Variants in RABL3 observed in about 807,000 individuals in gnomAD.
RABL3 encodes RAB, member of RAS oncogene family like 3.
RABL3 carries 31 observed loss-of-function variants against 31.8 expected under a neutral mutation model. The observed-to-expected ratio is 0.97, with a 90% confidence interval of 0.73 to 1.31. The LOEUF is 1.31. RABL3 is among the 40% of genes most tolerant of loss of function. RABL3 has a pLI of 0.00. For missense variants in RABL3, 263 were observed against 279.6 expected, an observed-to-expected ratio of 0.94 and a Z score of 0.42; for synonymous variants, 97 against 99.9, an observed-to-expected ratio of 0.97 and a Z score of 0.18.
At chr3:120,696,356 T>C (rs961363779) in intron 5 of RABL3, among the ~76,000 whole-genome samples, 1 of 152,198 alleles carries the variant, frequency 6.6e-6, no homozygotes, top group Non-Finnish European at 1.5e-5. Context: ...TGATTGCTAT[T>C]TCTTTTTGAA....
At chr3:120,690,527 C>G in intron 6 of RABL3, 40 bp from the exon 7 acceptor site, 2 of 1,522,500 alleles carry the variant, frequency 1.3e-6, no homozygotes. Flanking sequence ...GCACACATAC[C>G]TGCAAAAAGT....
At chr3:120,698,804 GT>G (rs1708465953) in intron 4 of RABL3, among the ~76,000 whole-genome samples, 1 of 152,158 alleles carries the variant, frequency 6.6e-6, no homozygotes, top group African/African-American at 2.4e-5. Flanking sequence ...TTGGTCCCAT[GT>G]TTTTATTGAA....
intron 7 of RABL3, 113 bp from the exon 8 acceptor site, chr3:120,690,001 A>C (rs1327547828): frequency 3.7e-6 from 3 of 802,458 alleles, no homozygotes; most frequent in Admixed American, 4.6e-5. Context: ...TTTCTTAAAA[A>C]AACAACTTTC....
intron 4 of RABL3, among the ~76,000 whole-genome samples, chr3:120,704,984 C>G (rs1288180848): frequency 6.6e-6 from 1 of 152,172 alleles, no homozygotes; most frequent in Non-Finnish European, 1.5e-5. Context: ...TGAGATCGTG[C>G]TACTGCACTC....
chr3:120,742,534 G>A (rs369854386), upstream of RABL3: 1 of 1,612,998 alleles, frequency 6.2e-7, no homozygotes, highest in Admixed American at 1.7e-5. Flanking sequence ...CTGGGTTAAC[G>A]CCTGTTCCTG....
At chr3:120,715,141 C>T (rs1204293247) in intron 2 of RABL3, among the ~76,000 whole-genome samples, 1 of 152,182 alleles carries the variant, frequency 6.6e-6, no homozygotes, top group Non-Finnish European at 1.5e-5. Context: ...GCCACCCATT[C>T]AATCATTAGT....
intron 4 of RABL3, among the ~76,000 whole-genome samples, chr3:120,699,013 C>T (rs1260718079): frequency 6.6e-6 from 1 of 152,114 alleles, no homozygotes; most frequent in Non-Finnish European, 1.5e-5. Flanking sequence ...AAGCCTTGTG[C>T]TAGAAGAGAA....
intron 2 of RABL3, among the ~76,000 whole-genome samples, chr3:120,714,310 A>C (rs1404485728): frequency 6.6e-6 from 1 of 152,206 alleles, no homozygotes; most frequent in Non-Finnish European, 1.5e-5. Flanking sequence ...AAGAGATACT[A>C]GGAGAATATA....
intron 1 of RABL3, among the ~76,000 whole-genome samples, chr3:120,738,207 G>A (rs1330396304): frequency 6.6e-6 from 1 of 152,192 alleles, no homozygotes; most frequent in African/African-American, 2.4e-5. Context: ...CATCAATGGC[G>A]GGCGCCCCTC....
At chr3:120,732,980 G>A (rs1708905751) in intron 1 of RABL3, among the ~76,000 whole-genome samples, 1 of 152,096 alleles carries the variant, frequency 6.6e-6, no homozygotes, top group African/African-American at 2.4e-5. Flanking sequence ...CATTTGGGTT[G>A]GTTCCAAGTC....
intron 1 of RABL3, among the ~76,000 whole-genome samples, chr3:120,734,968 G>T (rs982494929): frequency 5.3e-5 from 8 of 152,158 alleles, no homozygotes; most frequent in African/African-American, 1.7e-4. Context: ...GAGGATTTTT[G>T]CATTGATGTT....
At chr3:120,726,720 A>G (rs1708825795) in intron 2 of RABL3, among the ~76,000 whole-genome samples, 1 of 152,022 alleles carries the variant, frequency 6.6e-6, no homozygotes, top group Non-Finnish European at 1.5e-5. Context: ...CTCCAGCCGG[A>G]GCAACAGAGT....
upstream of RABL3, chr3:120,742,629 G>T: frequency 3.1e-6 from 3 of 977,450 alleles, no homozygotes; most frequent in South Asian, 4.1e-5. Flanking sequence ...TTGATCGAAG[G>T]TTTCACTGAA....
intron 2 of RABL3, among the ~76,000 whole-genome samples, chr3:120,721,209 C>T (rs1159183455): frequency 3.9e-5 from 6 of 152,246 alleles, no homozygotes; most frequent in South Asian, 2.1e-4. Context: ...AAGGAACAAC[C>T]GGTACCAGCC....
chr3:120,717,287 A>G (rs1287067564), intron 2 of RABL3, among the ~76,000 whole-genome samples: 1 of 151,958 alleles, frequency 6.6e-6, no homozygotes, highest in African/African-American at 2.4e-5. Context: ...AAACAACAAA[A>G]AAAAAAACAA....
intron 2 of RABL3, among the ~76,000 whole-genome samples, chr3:120,724,640 A>T (rs936222304): frequency 1.2e-4 from 18 of 152,234 alleles, no homozygotes; most frequent in Admixed American, 2.6e-4. Context: ...CCTCAGAAAT[A>T]ATGCCACATA....
Position 120,687,861 on chromosome 3 carries a change from A to G in RABL3, c.*1962T>C, listed in dbSNP as rs2107571471. On this transcript the variant is annotated 3_prime_UTR_variant, in exon 8 of 8. Transcript: ENST00000273375. ...ACCTAGGCTGGAGTGCAGTGACACG[A>G]TCTTGACTCACTGCAACCTCCACCT... 1 of 151,910 alleles carries G rather than the reference A, an allele frequency of 6.6e-6. No homozygotes were observed. Among genetic ancestry groups the G allele is most frequent in the South Asian group, 2.1e-4 (1 of 4,816 alleles). The allele number at this position is 151,910 out of a possible 1,614,324, so 9.4% of individuals were successfully genotyped here.
At chr3:120,724,551 T>C (rs1237867954) in intron 2 of RABL3, among the ~76,000 whole-genome samples, 5 of 152,154 alleles carry the variant, frequency 3.3e-5, no homozygotes, top group Admixed American at 6.5e-5. Flanking sequence ...CTTCAAACTA[T>C]ACTACAAGGC....
chr3:120,715,485 C>T (rs930514442), intron 2 of RABL3, among the ~76,000 whole-genome samples: 4 of 151,682 alleles, frequency 2.6e-5, no homozygotes, highest in Non-Finnish European at 2.9e-5. Context: ...TGCAGTGAGC[C>T]GATATGGTGC....
Sources: allele counts gnomAD v4.1 joint callset (sites outside exome capture counted in the v4.1 genomes callset), GRCh38; gene constraint gnomAD v4.1.1; transcripts MANE v1.5; gene names NCBI Gene and HGNC (gene_info 2026-07-23, HGNC 2026-07-21).